The following KANSL2 variants were observed in gnomAD, a reference collection of about 807,000 sequenced individuals.
The protein encoded by KANSL2 is KAT8 regulatory NSL complex subunit 2.
In KANSL2, 34 loss-of-function variants were observed where a neutral mutation model predicts 55.6. That is an observed-to-expected ratio of 0.61 (90% CI 0.46 to 0.81). The LOEUF (loss-of-function observed/expected upper bound fraction) is 0.81. KANSL2 is among the 40% of genes least tolerant of loss of function. The pLI is 0.00. For synonymous variants in KANSL2, 209 were observed against 214.3 expected (o/e 0.98, Z 0.22); for missense variants, 502 against 609.9 (o/e 0.82, Z 1.86).
chr12:48,663,046 T>A (rs887955110), intron 7 of KANSL2, among the ~76,000 whole-genome samples: 1 of 152,226 alleles, frequency 6.6e-6, no homozygotes, highest in African/African-American at 2.4e-5. Flanking sequence ...CATTTTGCTG[T>A]CATTCATAAA....
chr12:48,677,812 G>C (rs1475781598), intron 4 of KANSL2, among the ~76,000 whole-genome samples: 1 of 135,114 alleles, frequency 7.4e-6, no homozygotes, highest in East Asian at 2.1e-4. Flanking sequence ...AAAAAAAAAG[G>C]AATGAATATG....
intron 7 of KANSL2, chr12:48,661,146 G>A: frequency 1.7e-6 from 1 of 588,428 alleles, no homozygotes; most frequent in Non-Finnish European, 2.1e-6. Flanking sequence ...CAGAGCTCTA[G>A]TAAAAGTCAC....
At position 48,653,884 on chromosome 12, in the gene KANSL2, C is replaced by T; in HGVS notation, c.*160G>A. ...CCCTGAGTGGGAAGAAACCCACGGTCCACGTCCTCAAAATTTGGCTTTACG... is the reference window on the plus strand; with the variant it reads ...CCCTGAGTGGGAAGAAACCCACGGTTCACGTCCTCAAAATTTGGCTTTACG... On this transcript the variant is annotated 3_prime_UTR_variant, in exon 10 of 10. Coordinates refer to ENST00000420613, the MANE Select transcript of KANSL2 (RefSeq NM_017822.4). The T allele has an allele frequency of 1.7e-6, 1 of 603,078 alleles. No homozygotes were observed. The highest frequency in any genetic ancestry group is 2.7e-6 in the Non-Finnish European group (1 of 368,014). The allele number at this position is 603,078 out of a possible 1,614,324, so 37.4% of individuals were successfully genotyped here.
intron 4 of KANSL2, among the ~76,000 whole-genome samples, chr12:48,672,433 A>ATATATATATATATATATATATT (rs371918890): frequency 8.3e-6 from 1 of 120,384 alleles, no homozygotes; most frequent in African/African-American, 3.6e-5. Flanking sequence ...ATATATATAT[A>ATATATATATATATATATATATT]TTTTTTTTTT....
At chr12:48,663,498 C>T (rs1003705376) in intron 7 of KANSL2, among the ~76,000 whole-genome samples, 2 of 152,110 alleles carry the variant, frequency 1.3e-5, no homozygotes, top group Non-Finnish European at 2.9e-5. Context: ...TTGAACTGCA[C>T]GGGTCTACTT....
Position 48,669,208 on chromosome 12 carries a change from T to C in KANSL2, c.774A>G (p.Leu258=). 1 of 1,565,472 alleles carries C rather than the reference T, an allele frequency of 6.4e-7. No homozygotes were observed. Among genetic ancestry groups the C allele is most frequent in the South Asian group, 1.2e-5 (1 of 84,974 alleles). The change falls in exon 6 of 10, where the codon TTA becomes TTG. Residue 258 remains leucine (L), a synonymous_variant. Transcript: ENST00000420613. Reference sequence around the variant, plus strand: ...GCTGGCGGTATCGTCGCAGACATTTTAATCGCTTTAAGTTCTCTCGTTCTT... The same window carrying C: ...GCTGGCGGTATCGTCGCAGACATTTCAATCGCTTTAAGTTCTCTCGTTCTT... ...LAKERENLKR[L]KCLRRYRQRY...
At chr12:48,678,922 G>A (rs1454700207) in intron 4 of KANSL2, 114 bp downstream of exon 4, 8 of 688,362 alleles carry the variant, frequency 1.2e-5, no homozygotes, top group Admixed American at 9.7e-5. Flanking sequence ...ACCTCTTACT[G>A]CTGACAAATA....
At chr12:48,671,623 A>C (rs948768431) in intron 5 of KANSL2, among the ~76,000 whole-genome samples, 176 bp downstream of exon 5, 1 of 152,222 alleles carries the variant, frequency 6.6e-6, no homozygotes, top group Non-Finnish European at 1.5e-5. Context: ...ACAGGTTTGC[A>C]GCCTAGGTAT....
At chr12:48,679,621 C>T (rs1196274817) in intron 3 of KANSL2, 34 bp downstream of exon 3, 1 of 1,588,752 alleles carries the variant, frequency 6.3e-7, no homozygotes, top group South Asian at 1.1e-5. Context: ...TAACTTTCTT[C>T]CTCCTTTTTC....
chr12:48,663,062 TTAAA>T (rs1939518161), intron 7 of KANSL2, among the ~76,000 whole-genome samples: 1 of 152,204 alleles, frequency 6.6e-6, no homozygotes, highest in Admixed American at 6.5e-5. Flanking sequence ...ATAAATTCTG[TTAAA>T]TATATTTAAT....
chr12:48,657,664 T>G (rs1320969709), intron 8 of KANSL2, among the ~76,000 whole-genome samples: 4 of 152,080 alleles, frequency 2.6e-5, no homozygotes, highest in Non-Finnish European at 4.4e-5. Flanking sequence ...TTACCCAGGC[T>G]GGAGTGCAAT....
At chr12:48,655,099 A>T in intron 8 of KANSL2, 39 bp from the exon 9 acceptor site, 1 of 1,547,008 alleles carries the variant, frequency 6.5e-7, no homozygotes, top group Non-Finnish European at 8.7e-7. Context: ...ATACCAAGGG[A>T]AACAGTAATA....
rs566794015 is a variant in KANSL2, at chr12:48,681,342, C to T, written c.251+40G>A. ...GCCCGCATCATATCACATACCCCCT[C>T]GCTTTAAGAAAAACGACATATATAT... On this transcript the variant is annotated intron_variant, in intron 2 of 9. Transcript: ENST00000420613. 5.1e-6 allele frequency: 8 copies of T among 1,558,450 alleles called. No homozygotes were observed. In the African/African-American group the frequency reaches 8.2e-5, roughly 16 times the overall value.
chr12:48,672,947 T>C (rs71464917), intron 4 of KANSL2, among the ~76,000 whole-genome samples: 5 of 151,872 alleles, frequency 3.3e-5, no homozygotes, highest in Admixed American at 6.6e-5. Context: ...TCAGTAGAGA[T>C]GGGGTTTCTC....
chr12:48,669,684 A>AT (rs1050487184), intron 5 of KANSL2, among the ~76,000 whole-genome samples: 16 of 148,410 alleles, frequency 1.1e-4, no homozygotes, highest in African/African-American at 1.7e-4. Context: ...CGCCCGGCTA[A>AT]TTTTTTTTTT....
chr12:48,682,228 C>T lies in KANSL2; in HGVS notation c.-51G>A, dbSNP rs923245879. ...CGCCGCACTCTGCCGCGCCGCTCGC[C>T]CTTCTCTAGTGGCGCCAGCGGCTCT... On this transcript the variant is annotated 5_prime_UTR_variant, in exon 1 of 10. Coordinates refer to ENST00000420613, the MANE Select transcript of KANSL2 (RefSeq NM_017822.4). 4.7e-6 allele frequency: 3 copies of T among 633,314 alleles called. No individual in the cohort carries two copies. Among genetic ancestry groups the T allele is most frequent in the Admixed American group, 2.5e-5 (1 of 39,276 alleles). 39.2% of individuals were successfully genotyped at this position (633,314 alleles called of 1,614,324 possible).
At position 48,681,612 on chromosome 12, in the gene KANSL2, G is replaced by A; in HGVS notation, c.21C>T (p.His7=). Residue 7 remains histidine (H), a synonymous_variant, in exon 2 of 10, where the codon CAC becomes CAT. Transcript: ENST00000420613. The part of the protein sequence containing the change: MNRIRI[H]VLPTNRGRIT... ...TCCTCCCCCGATTGGTTGGCAAGAC[G>A]TGAATCCGAATCCTGTTCATAACCA... 3 of 1,614,028 alleles carry A rather than the reference G, an allele frequency of 1.9e-6. No individual in the cohort carries two copies. The highest frequency in any genetic ancestry group is 2.2e-5 in the East Asian group (1 of 44,886).
chr12:48,674,422 T>C (rs1939783960), intron 4 of KANSL2, among the ~76,000 whole-genome samples: 1 of 152,192 alleles, frequency 6.6e-6, no homozygotes, highest in African/African-American at 2.4e-5. Context: ...AGTGCTAGGA[T>C]TACAGGCGTG....
At chr12:48,656,831 C>T (rs953411596) in intron 8 of KANSL2, 5 of 464,814 alleles carry the variant, frequency 1.1e-5, no homozygotes, top group African/African-American at 2.0e-5. Flanking sequence ...CATGCCACTG[C>T]TTTTCAAGAG....
Sources: allele counts gnomAD v4.1 joint callset (sites outside exome capture counted in the v4.1 genomes callset), GRCh38; gene constraint gnomAD v4.1.1; transcripts MANE v1.5; gene names NCBI Gene and HGNC (gene_info 2026-07-23, HGNC 2026-07-21).